Variants in WBP1L observed in about 807,000 individuals in gnomAD.
WBP1L encodes WW domain binding protein 1 like, also known as WW domain binding protein 1-like.
In WBP1L, 17 loss-of-function variants were observed where a neutral mutation model predicts 33.7. The ratio of observed to expected loss-of-function variants is 0.50; its 90% CI spans 0.34 to 0.76. The LOEUF (loss-of-function observed/expected upper bound fraction) is 0.76, where lower values mean the gene tolerates loss of function less well. WBP1L is among the 30% of genes least tolerant of loss of function. The probability of loss-of-function intolerance (pLI) is 0.01; values close to 1 mark genes in which losing one functional copy is unlikely to be tolerated. For synonymous variants in WBP1L, 173 were observed against 190.8 expected, an observed-to-expected ratio of 0.91 and a Z score of 0.77; for missense variants, 389 against 469.4, an observed-to-expected ratio of 0.83 and a Z score of 1.58.
At position 102,810,489 on chromosome 10, in the gene WBP1L, CCCTCCTTCCTTCCT is replaced by C. The variant is rs1564771160; in HGVS notation, c.355+436_355+449del. On this transcript the variant is annotated intron_variant, in intron 3 of 3. Transcript: ENST00000448841. Reference sequence around the variant, plus strand: ...TCCTTCCTTCCCTCCTTCCTTCCTTCCCTCCTTCCTTCCTTCCTTCCTTCCTTCCTTCCTTCCTT... The same window carrying C: ...TCCTTCCTTCCCTCCTTCCTTCCTTCTCCTTCCTTCCTTCCTTCCTTCCTT... Among the ~76,000 whole-genome samples, 194 of 43,224 alleles carry C rather than the reference CCCTCCTTCCTTCCT, an allele frequency of 4.5e-3. 4 individuals carry two copies. Among genetic ancestry groups the C allele is most frequent in the African/African-American group, 0.01 (174 of 16,960 alleles). 28.4% of individuals were successfully genotyped at this position (43,224 alleles called of 152,430 possible).
intron 1 of WBP1L, among the ~76,000 whole-genome samples, chr10:102,782,032 T>A (rs1843344700): frequency 6.6e-6 from 1 of 151,960 alleles, no homozygotes; most frequent in Non-Finnish European, 1.5e-5. Flanking sequence ...CATGCCCAGC[T>A]AATTTTTCTA....
At chr10:102,762,602 A>G (rs1240684274) in intron 1 of WBP1L, among the ~76,000 whole-genome samples, 1 of 152,154 alleles carries the variant, frequency 6.6e-6, no homozygotes, top group African/African-American at 2.4e-5. Flanking sequence ...TCTTTGACAC[A>G]CACATCCATT....
At chr10:102,767,928 T>C (rs1843132957) in intron 1 of WBP1L, among the ~76,000 whole-genome samples, 1 of 152,228 alleles carries the variant, frequency 6.6e-6, no homozygotes. Context: ...AACTAATCTT[T>C]GCGTCATCTT....
intron 1 of WBP1L, among the ~76,000 whole-genome samples, chr10:102,749,083 A>G (rs990606958): frequency 2.0e-5 from 3 of 152,156 alleles, no homozygotes; most frequent in East Asian, 1.9e-4. Flanking sequence ...TCATCCATTC[A>G]TCTAAGGCTG....
chr10:102,746,993 T>G (rs17784610), intron 1 of WBP1L, among the ~76,000 whole-genome samples: 2,249 of 152,314 alleles, frequency 0.015, 52 homozygotes, highest in South Asian at 0.11. Context: ...TAGTTCATTC[T>G]GTGGTTAGGA....
At chr10:102,790,794 A>T (rs1266800473) in intron 1 of WBP1L, among the ~76,000 whole-genome samples, 1 of 152,068 alleles carries the variant, frequency 6.6e-6, no homozygotes, top group Admixed American at 6.6e-5. Flanking sequence ...TACAAGCGTG[A>T]GCCACCGCGC....
chr10:102,775,922 T>C (rs1005734237), intron 1 of WBP1L, among the ~76,000 whole-genome samples: 12 of 152,156 alleles, frequency 7.9e-5, no homozygotes, highest in African/African-American at 2.2e-4. Flanking sequence ...ACTTGATTTA[T>C]GTACCCCCCA....
chr10:102,755,316 G>T (rs1004870237), intron 1 of WBP1L, among the ~76,000 whole-genome samples: 2 of 152,022 alleles, frequency 1.3e-5, no homozygotes, highest in Non-Finnish European at 1.5e-5. Context: ...TGATTCCCAG[G>T]CATAGTCATA....
intron 1 of WBP1L, among the ~76,000 whole-genome samples, chr10:102,783,474 C>G (rs1255985828): frequency 6.6e-6 from 1 of 152,206 alleles, no homozygotes; most frequent in Non-Finnish European, 1.5e-5. Context: ...GCTTGTGAGA[C>G]TGACATCAGT....
At chr10:102,807,149 T>C (rs1472311149) in intron 2 of WBP1L, among the ~76,000 whole-genome samples, 4 of 152,310 alleles carry the variant, frequency 2.6e-5, no homozygotes, top group Non-Finnish European at 5.9e-5. Context: ...ATGGAAGTTT[T>C]TCAAGAATAG....
At chr10:102,772,227 G>A (rs1238371893) in intron 1 of WBP1L, among the ~76,000 whole-genome samples, 1 of 146,930 alleles carries the variant, frequency 6.8e-6, no homozygotes, top group African/African-American at 2.5e-5. Context: ...TAAAGTGCTG[G>A]GATTACAAGC....
rs1254104576 is a variant in WBP1L at position 102,813,211 on chromosome 10, TGAG to T, written c.976_978del (p.Glu326del). On this transcript the variant is annotated inframe_deletion, in exon 4 of 4. Coordinates refer to ENST00000448841, the MANE Select transcript of WBP1L (RefSeq NM_001083913.2). ...AGGAGGAAGGCCTCTGTCAGTCCTC[TGAG>T]GAGCAGGCTCGAGAGCCTGGGCACC... 1 of 1,613,388 alleles carries T rather than the reference TGAG, an allele frequency of 6.2e-7. No homozygotes were observed. Among genetic ancestry groups the T allele is most frequent in the Admixed American group, 1.7e-5 (1 of 60,010 alleles).
At chr10:102,802,898 A>G (rs1357704618) in intron 2 of WBP1L, among the ~76,000 whole-genome samples, 2 of 152,214 alleles carry the variant, frequency 1.3e-5, no homozygotes, top group African/African-American at 2.4e-5. Context: ...AACAACAACA[A>G]TAAACACACT....
chr10:102,777,399 T>A (rs1843279585), intron 1 of WBP1L, among the ~76,000 whole-genome samples: 1 of 151,902 alleles, frequency 6.6e-6, no homozygotes, highest in Non-Finnish European at 1.5e-5. Flanking sequence ...TGGACAACTC[T>A]CCCTTGAGTT....
Position 102,776,435 on chromosome 10 carries a change from G to T in WBP1L, c.91-21558G>T, listed in dbSNP as rs201477907. On this transcript the variant is annotated intron_variant, in intron 1 of 3. Coordinates refer to ENST00000448841, the MANE Select transcript of WBP1L (RefSeq NM_001083913.2). ...TTAGACAGGTAATTGTTTCTGCACG[G>T]ATCGGGTTTGGAAGGGAAGAAGGGG... is the stretch of plus-strand genomic sequence containing the variant. 2.1e-4 allele frequency: 342 copies of T among 1,614,152 alleles called. 1 individual carries two copies. Among genetic ancestry groups the T allele is most frequent in the South Asian group, 2.6e-4 (24 of 91,080 alleles).
chr10:102,793,959 A>T (rs114491913), intron 1 of WBP1L, among the ~76,000 whole-genome samples: 72 of 152,102 alleles, frequency 4.7e-4, no homozygotes, highest in African/African-American at 1.6e-3. Context: ...TTTTTGGTTG[A>T]GATGGGGTTT....
intron 3 of WBP1L, among the ~76,000 whole-genome samples, chr10:102,810,910 CCCTTCCTCTTTCTTTT>C (rs1456067871): frequency 1.3e-5 from 2 of 150,176 alleles, no homozygotes; most frequent in Non-Finnish European, 3.0e-5. Flanking sequence ...CCCTCCCCTC[CCCTTCCTCTTTCTTTT>C]CCTTTCTCTT....
intron 1 of WBP1L, among the ~76,000 whole-genome samples, chr10:102,769,357 T>G (rs1843156580): frequency 7.6e-6 from 1 of 131,788 alleles, no homozygotes. Flanking sequence ...TTCTTTTTTC[T>G]TTCTTTTTTT....
At chr10:102,782,773 C>T (rs1029292487) in intron 1 of WBP1L, among the ~76,000 whole-genome samples, 3 of 151,994 alleles carry the variant, frequency 2.0e-5, no homozygotes, top group Admixed American at 6.6e-5. Flanking sequence ...AGGGGCAGTG[C>T]AGGGAAGGAG....
Sources: gnomAD v4.1 joint callset for allele counts (sites outside exome capture counted in the v4.1 genomes callset) on GRCh38, gnomAD v4.1.1 for gene constraint, MANE v1.5 for transcripts, NCBI Gene and HGNC (gene_info 2026-07-23, HGNC 2026-07-21) for gene names.